Variants in ROBO2 observed in about 807,000 individuals in gnomAD.
ROBO2 encodes the protein roundabout homolog 2.
ROBO2 carries 53 observed loss-of-function variants against 160.8 expected under a neutral mutation model. The observed-to-expected ratio is 0.33, with a 90% CI of 0.26 to 0.41. The LOEUF (loss-of-function observed/expected upper bound fraction) is 0.41, where lower values mean the gene tolerates loss of function less well. Among genes scored for constraint, ROBO2 ranks in the 10% least tolerant of loss-of-function variants. The pLI, the probability that ROBO2 is intolerant of heterozygous loss-of-function variation, is 1.00. For synonymous variants in ROBO2, 664 were observed against 611.7 expected (o/e 1.09, Z -1.26); for missense variants, 1,577 against 1,722.4 (o/e 0.92, Z 1.49).
At chr3:76,622,804 T>C (rs982894468) in intron 2 of ROBO2, among the ~76,000 whole-genome samples, 2 of 152,192 alleles carry the variant, frequency 1.3e-5, no homozygotes, top group African/African-American at 4.8e-5. Context: ...TGGCTTACAA[T>C]GTGGTTTCTA....
chr3:76,473,818 G>T (rs565504294), intron 2 of ROBO2, among the ~76,000 whole-genome samples: 1 of 152,284 alleles, frequency 6.6e-6, no homozygotes, highest in East Asian at 1.9e-4. Flanking sequence ...GCAAGAGAGA[G>T]CTATGAATGT....
At chr3:77,282,924 A>G (rs1396053221) in intron 2 of ROBO2, among the ~76,000 whole-genome samples, 1 of 151,616 alleles carries the variant, frequency 6.6e-6, no homozygotes, top group African/African-American at 2.4e-5. Flanking sequence ...GAACTTTTCC[A>G]TTAAATAACT....
chr3:76,151,788 A>G (rs897892308), intron 2 of ROBO2, among the ~76,000 whole-genome samples: 22 of 152,166 alleles, frequency 1.4e-4, no homozygotes, highest in South Asian at 4.1e-4. Flanking sequence ...CAACTCATCC[A>G]TTTCTGTCTT....
chr3:76,479,574 GC>G (rs1425034563), intron 2 of ROBO2, among the ~76,000 whole-genome samples: 2 of 152,158 alleles, frequency 1.3e-5, no homozygotes, highest in African/African-American at 2.4e-5. Context: ...AAAAGAAATT[GC>G]CCCAAGTACT....
chr3:76,047,531 C>T (rs1179742833), intron 2 of ROBO2, among the ~76,000 whole-genome samples: 2 of 152,180 alleles, frequency 1.3e-5, no homozygotes, highest in Non-Finnish European at 2.9e-5. Flanking sequence ...TCTTGCTTAC[C>T]ACCCAGGATC....
At chr3:76,879,054 T>C (rs1376385214) in intron 2 of ROBO2, among the ~76,000 whole-genome samples, 1 of 152,198 alleles carries the variant, frequency 6.6e-6, no homozygotes, top group Non-Finnish European at 1.5e-5. Flanking sequence ...TCATTTTAAA[T>C]GTAAATGTCA....
At chr3:76,227,308 G>T (rs545777819) in intron 2 of ROBO2, among the ~76,000 whole-genome samples, 1 of 151,974 alleles carries the variant, frequency 6.6e-6, no homozygotes, top group Non-Finnish European at 1.5e-5. Flanking sequence ...GCACAGTATG[G>T]GATAATTATA....
chr3:76,949,763 A>T (rs994070095), intron 2 of ROBO2, among the ~76,000 whole-genome samples: 1 of 152,224 alleles, frequency 6.6e-6, no homozygotes, highest in Non-Finnish European at 1.5e-5. Context: ...GGCCAGGCAC[A>T]GTGGTGCAGT....
At chr3:76,327,019 G>T (rs2073089478) in intron 2 of ROBO2, among the ~76,000 whole-genome samples, 1 of 151,840 alleles carries the variant, frequency 6.6e-6, no homozygotes, top group African/African-American at 2.4e-5. Context: ...TATGTCCAAT[G>T]TTATGAATAT....
chr3:77,252,807 C>CAAAAAAAAAA lies in ROBO2; in HGVS notation c.388+154483_388+154492dup, dbSNP rs1182786373. Among the ~76,000 whole-genome samples the CAAAAAAAAAA allele has an allele frequency of 1.7e-3, 53 of 32,048 alleles. 3 individuals carry two copies. Among genetic ancestry groups the CAAAAAAAAAA allele is most frequent in the African/African-American group, 6.3e-3 (44 of 7,010 alleles). The allele number at this position is 32,048 out of a possible 152,430, so 21.0% of individuals were successfully genotyped here. ...TGGGCAGCAGAGCAAGACTCCATCT[C>CAAAAAAAAAA]AAAAAAAAAAAAAAAAAAAAAAAAA... On this transcript the variant is annotated intron_variant, in intron 2 of 25. Transcript: ENST00000461745.
At chr3:77,105,993 G>C (rs78149169) in intron 2 of ROBO2, among the ~76,000 whole-genome samples, 2,322 of 152,216 alleles carry the variant, frequency 0.015, 34 homozygotes, top group Non-Finnish European at 0.024. Context: ...TTCATATAAA[G>C]TTAAGAAAAA....
At chr3:75,963,667 T>C (rs561407533) in intron 2 of ROBO2, among the ~76,000 whole-genome samples, 21 of 151,826 alleles carry the variant, frequency 1.4e-4, no homozygotes, top group Middle Eastern at 3.4e-3. Flanking sequence ...CACACACACA[T>C]AGACTGGGTG....
At chr3:76,142,320 A>C (rs1227933472) in intron 2 of ROBO2, among the ~76,000 whole-genome samples, 1 of 152,068 alleles carries the variant, frequency 6.6e-6, no homozygotes, top group Non-Finnish European at 1.5e-5. Flanking sequence ...TGCTGGGTAC[A>C]TACCCAAAAG....
chr3:77,073,313 A>C (rs1281552049), intron 1 of ROBO2, among the ~76,000 whole-genome samples: 1 of 152,236 alleles, frequency 6.6e-6, no homozygotes. Context: ...AAATGAGCAG[A>C]GTGAGAACAC....
chr3:76,568,879 A>G (rs1040828171), intron 2 of ROBO2, among the ~76,000 whole-genome samples: 2 of 152,174 alleles, frequency 1.3e-5, no homozygotes, highest in Admixed American at 6.5e-5. Flanking sequence ...AATGATGTAA[A>G]TATATTTTAG....
chr3:76,148,377 T>C (rs2072000479), intron 2 of ROBO2, among the ~76,000 whole-genome samples: 1 of 152,064 alleles, frequency 6.6e-6, no homozygotes, highest in Non-Finnish European at 1.5e-5. Flanking sequence ...ACCTTGGATC[T>C]CTCCTAAATC....
chr3:77,047,422 C>A lies in ROBO2; in HGVS notation c.61+6576C>A, dbSNP rs554900657. ...TATATAGGCAGGGCATGGTGGCTCA[C>A]GCCTGTAATCCCAGCACTTTGGGAG... is the stretch of plus-strand genomic sequence containing the variant. On this transcript the variant is annotated intron_variant, in intron 1 of 25. Transcript: ENST00000461745. Among the ~76,000 whole-genome samples the A allele has an allele frequency of 1.7e-4, 26 of 152,200 alleles. 1 individual carries two copies. The South Asian group carries it at 5.2e-3, about 30-fold the overall frequency.
chr3:76,749,453 G>A (rs549188899), intron 2 of ROBO2, among the ~76,000 whole-genome samples: 1 of 152,000 alleles, frequency 6.6e-6, no homozygotes, highest in East Asian at 1.9e-4. Context: ...AGATATCAGA[G>A]AGCTTTCCTT....
intron 2 of ROBO2, among the ~76,000 whole-genome samples, chr3:76,064,372 C>G (rs1016830834): frequency 2.0e-5 from 3 of 152,074 alleles, no homozygotes; most frequent in Non-Finnish European, 4.4e-5. Flanking sequence ...CTGGCCTCTC[C>G]CATTATAGAT....
Sources: gnomAD v4.1 joint callset for allele counts (sites outside exome capture counted in the v4.1 genomes callset) on GRCh38, gnomAD v4.1.1 for gene constraint, MANE v1.5 for transcripts, NCBI Gene and HGNC (gene_info 2026-07-23, HGNC 2026-07-21) for gene names.